SFXN1: variants seen among roughly 807,000 people sequenced by gnomAD.
The protein encoded by SFXN1 is sideroflexin-1.
In SFXN1, 32 loss-of-function variants were observed where a neutral mutation model predicts 39.5. The observed-to-expected ratio is 0.81, with a 90% CI of 0.61 to 1.09. SFXN1 has a LOEUF of 1.09. Among genes scored for constraint, SFXN1 ranks in the 50% least tolerant of loss-of-function variants. SFXN1 has a pLI of 0.00. For synonymous variants in SFXN1, 136 were observed against 146.5 expected (o/e 0.93, Z 0.52); for missense variants, 402 against 407.1 (o/e 0.99, Z 0.11).
At chr5:175,493,830 TA>T (rs144264501) in intron 2 of SFXN1, among the ~76,000 whole-genome samples, 3,000 of 152,290 alleles carry the variant, frequency 0.02, 95 homozygotes, top group African/African-American at 0.068. Context: ...ACTTTTTCCG[TA>T]AAGGGCCAGA....
chr5:175,486,177 AG>A lies in SFXN1; in HGVS notation c.-9-5916del, dbSNP rs1179171300. On this transcript the variant is annotated intron_variant, in intron 1 of 10. Transcript: ENST00000321442. The stretch of plus-strand genomic sequence containing the variant: ...GTGTAAAGGTCAAGTTTTTATTTAA[AG>A]GAAAAAAGTGGGGGGGCCTCCAAGA... 2.0e-5 allele frequency among the ~76,000 whole-genome samples: 3 copies of A among 149,988 alleles called. No homozygotes were observed. The East Asian group carries it at 5.8e-4, about 29-fold the overall frequency.
intron 2 of SFXN1, among the ~76,000 whole-genome samples, chr5:175,502,156 A>G (rs1196041010): frequency 6.6e-6 from 1 of 152,142 alleles, no homozygotes; most frequent in African/African-American, 2.4e-5. Flanking sequence ...CCAAAGTGCA[A>G]AATATCTCAA....
At position 175,526,789 on chromosome 5, in the gene SFXN1, T is replaced by C. The variant is rs1323528804; in HGVS notation, c.*55T>C. The stretch of plus-strand genomic sequence containing the variant: ...TGCCACTGCAAAGCTGGTGTAGCCA[T>C]GCTGGTGAGAAAAATCCTGTTCAAC... On this transcript the variant is annotated 3_prime_UTR_variant, in exon 11 of 11. Transcript: ENST00000321442. 6 of 1,446,432 alleles carry C rather than the reference T, an allele frequency of 4.1e-6. No individual in the cohort carries two copies. The highest frequency in any genetic ancestry group is 1.4e-5 in the African/African-American group (1 of 70,968). 89.6% of individuals were successfully genotyped at this position (1,446,432 alleles called of 1,614,324 possible).
chr5:175,482,043 A>G (rs1056528771), intron 1 of SFXN1, among the ~76,000 whole-genome samples: 2 of 152,222 alleles, frequency 1.3e-5, no homozygotes, highest in East Asian at 1.9e-4. Context: ...CATCTTGGGC[A>G]TGGTACTAAA....
At chr5:175,506,176 A>C in intron 2 of SFXN1, among the ~76,000 whole-genome samples, 1 of 152,208 alleles carries the variant, frequency 6.6e-6, no homozygotes, top group East Asian at 1.9e-4. Flanking sequence ...ACAAAAAGAA[A>C]ACAACTATTC....
At chr5:175,521,676 A>C (rs2113360485) in intron 8 of SFXN1, among the ~76,000 whole-genome samples, 1 of 152,340 alleles carries the variant, frequency 6.6e-6, no homozygotes, top group Non-Finnish European at 1.5e-5. Flanking sequence ...TGCTCAGATT[A>C]AATGGGGGAC....
chr5:175,520,924 C>T (rs1301541449), intron 8 of SFXN1, among the ~76,000 whole-genome samples: 1 of 152,182 alleles, frequency 6.6e-6, no homozygotes, highest in Admixed American at 6.5e-5. Flanking sequence ...GTTTCCTTGA[C>T]GATGCTGCTC....
intron 10 of SFXN1, chr5:175,525,894 G>A (rs1274331776): frequency 6.6e-6 from 1 of 152,200 alleles, no homozygotes; most frequent in Non-Finnish European, 1.5e-5. Context: ...GATTACAGGT[G>A]TGAGCCACTG....
chr5:175,505,462 A>C (rs1581297476), intron 2 of SFXN1, among the ~76,000 whole-genome samples: 1 of 151,428 alleles, frequency 6.6e-6, no homozygotes, highest in East Asian at 2.0e-4. Context: ...GCTTGAACCC[A>C]GGAGGCGGAG....
intron 2 of SFXN1, among the ~76,000 whole-genome samples, chr5:175,508,793 G>A (rs2644674): frequency 0.22 from 33,780 of 151,498 alleles, 4,748 homozygotes; most frequent in African/African-American, 0.4. Flanking sequence ...GGGTGCCACC[G>A]CACCCGGCTA....
At chr5:175,497,947 A>C (rs1035998613) in intron 2 of SFXN1, among the ~76,000 whole-genome samples, 2 of 151,762 alleles carry the variant, frequency 1.3e-5, no homozygotes, top group African/African-American at 4.8e-5. Flanking sequence ...AAAAAAAAAA[A>C]AAAAAAAACC....
In SFXN1 at chr5:175,492,084, A is replaced by C; in HGVS notation, c.-9-11A>C. 1.3e-6 allele frequency: 2 copies of C among 1,592,398 alleles called. No homozygotes were observed. The highest frequency in any genetic ancestry group is 8.5e-7 in the Non-Finnish European group (1 of 1,171,870). ...AGCCTTACACGAACTTGCCTTTTTG[A>C]CTCTTTGCAGTCCGGGACCATGTCT... On this transcript the variant is annotated splice_polypyrimidine_tract_variant and intron_variant, in intron 1 of 10. Coordinates refer to ENST00000321442, the MANE Select transcript of SFXN1 (RefSeq NM_022754.7).
At chr5:175,520,113 C>T (rs1760834356) in intron 8 of SFXN1, among the ~76,000 whole-genome samples, 1 of 151,876 alleles carries the variant, frequency 6.6e-6, no homozygotes, top group South Asian at 2.1e-4. Flanking sequence ...TGTGATCCAC[C>T]TGCCTCAGCC....
chr5:175,507,198 ACATGGCCTTC>A (rs1339841657), intron 2 of SFXN1, among the ~76,000 whole-genome samples: 2 of 151,702 alleles, frequency 1.3e-5, no homozygotes, highest in Non-Finnish European at 2.9e-5. Context: ...GTCTGATTGC[ACATGGCCTTC>A]CTATAAGGAC....
chr5:175,478,922 C>T (rs1248601216), intron 1 of SFXN1, among the ~76,000 whole-genome samples: 3 of 152,138 alleles, frequency 2.0e-5, no homozygotes, highest in South Asian at 2.1e-4. Flanking sequence ...TGGGAAGGGC[C>T]CTCCGCCGCG....
Position 175,496,372 on chromosome 5 carries a change from C to CA in SFXN1, c.164+4116dup, listed in dbSNP as rs532635830. ...TGGGCAACAGAGTGAGACTCCATCTCAAAAAAAAAAATAGTAATAGCTATC... is the reference window on the plus strand; with the variant it reads ...TGGGCAACAGAGTGAGACTCCATCTCAAAAAAAAAAAATAGTAATAGCTATC... On this transcript the variant is annotated intron_variant, in intron 2 of 10. Coordinates refer to ENST00000321442, the MANE Select transcript of SFXN1 (RefSeq NM_022754.7). 6.1e-3 allele frequency among the ~76,000 whole-genome samples: 859 copies of CA among 139,842 alleles called. 2 individuals are homozygous for CA. Among genetic ancestry groups the CA allele is most frequent in the African/African-American group, 0.017 (650 of 38,458 alleles). The allele number at this position is 139,842 out of a possible 152,430, so 91.7% of individuals were successfully genotyped here. A position where few individuals can be genotyped will look rare whatever the true frequency, so the allele number is the denominator to read the frequency against.
rs147438121 is a variant in SFXN1 at position 175,513,879 on chromosome 5, C to A, written c.724+289C>A. Reference sequence around the variant, plus strand: ...GTGATGAATATTCTGGCAGAGGGAACCACAGGCAGGAGTTTGCCTGGTGTG... The same window carrying A: ...GTGATGAATATTCTGGCAGAGGGAAACACAGGCAGGAGTTTGCCTGGTGTG... On this transcript the variant is annotated intron_variant, in intron 7 of 10. Transcript: ENST00000321442. 2.8e-3 allele frequency: 755 copies of A among 271,596 alleles called. 7 individuals are homozygous for A. Among genetic ancestry groups the A allele is most frequent in the South Asian group, 7.1e-3 (148 of 20,898 alleles). 16.8% of individuals were successfully genotyped at this position (271,596 alleles called of 1,614,324 possible).
At chr5:175,519,323 T>C (rs1760809034) in intron 8 of SFXN1, among the ~76,000 whole-genome samples, 1 of 152,234 alleles carries the variant, frequency 6.6e-6, no homozygotes, top group Admixed American at 6.5e-5. Context: ...GATGCTGCCC[T>C]ATGATCCAGC....
chr5:175,522,437 T>C lies in SFXN1; in HGVS notation c.872+15T>C. 1 of 1,611,110 alleles carries C rather than the reference T, an allele frequency of 6.2e-7. No homozygotes were observed. Among genetic ancestry groups the C allele is most frequent in the Non-Finnish European group, 8.5e-7 (1 of 1,179,180 alleles). Reference sequence around the variant, plus strand: ...CCTCAGAAAAGGTATGTATTTGTTATTCGTCAGAATCATCATGAGTATTAA... The same window carrying C: ...CCTCAGAAAAGGTATGTATTTGTTACTCGTCAGAATCATCATGAGTATTAA... On this transcript the variant is annotated intron_variant, in intron 10 of 10. Coordinates refer to ENST00000321442, the MANE Select transcript of SFXN1 (RefSeq NM_022754.7).
Sources: allele counts gnomAD v4.1 joint callset (sites outside exome capture counted in the v4.1 genomes callset), GRCh38; gene constraint gnomAD v4.1.1; transcripts MANE v1.5; gene names NCBI Gene and HGNC (gene_info 2026-07-23, HGNC 2026-07-21).